LINGO2: variants seen among roughly 807,000 people sequenced by gnomAD.
LINGO2 encodes leucine-rich repeat and immunoglobulin-like domain-containing nogo receptor-interacting protein 2.
LINGO2 carries 14 observed loss-of-function variants against 30.6 expected under a neutral mutation model. That is an observed-to-expected ratio of 0.46 (90% CI 0.30 to 0.72). The LOEUF (loss-of-function observed/expected upper bound fraction) is 0.72. LINGO2 is among the 30% of genes least tolerant of loss of function. LINGO2 has a pLI of 0.07. For synonymous variants in LINGO2, 317 were observed against 288.5 expected, an observed-to-expected ratio of 1.10 and a Z score of -1.00; for missense variants, 729 against 751.7, an observed-to-expected ratio of 0.97 and a Z score of 0.35.
intron 4 of LINGO2, among the ~76,000 whole-genome samples, chr9:28,045,423 T>C (rs529817418): frequency 1.3e-5 from 2 of 152,316 alleles, no homozygotes; most frequent in Non-Finnish European, 2.9e-5. Flanking sequence ...TAGCAACTTA[T>C]AAAGCTATAT....
chr9:28,502,212 T>C (rs1819921384), intron 1 of LINGO2, among the ~76,000 whole-genome samples: 1 of 151,618 alleles, frequency 6.6e-6, no homozygotes, highest in South Asian at 2.1e-4. Context: ...TCCAAAGATA[T>C]TTTCTTCTTA....
At chr9:29,172,907 T>C in the LINGO2 span, among the ~76,000 whole-genome samples, 14 of 152,122 alleles carry the variant, frequency 9.2e-5, no homozygotes, top group Admixed American at 2.0e-4. Flanking sequence ...CACAAACCCT[T>C]ATACTTACAT....
chr9:28,255,406 T>C (rs1475458077), intron 4 of LINGO2, among the ~76,000 whole-genome samples: 2 of 152,194 alleles, frequency 1.3e-5, no homozygotes, highest in Non-Finnish European at 2.9e-5. Flanking sequence ...AGAGTCAGAC[T>C]TGCTAGGCTT....
At chr9:28,355,061 C>T (rs1564145199) in intron 3 of LINGO2, among the ~76,000 whole-genome samples, 1 of 152,136 alleles carries the variant, frequency 6.6e-6, no homozygotes, top group Non-Finnish European at 1.5e-5. Flanking sequence ...CATTCTAAAA[C>T]TAAGTCTAAT....
At chr9:28,482,254 T>C (rs950380454) in intron 1 of LINGO2, among the ~76,000 whole-genome samples, 2 of 151,960 alleles carry the variant, frequency 1.3e-5, no homozygotes, top group African/African-American at 4.8e-5. Context: ...TGTAAAAGTG[T>C]TCCTATTTCT....
chr9:28,556,080 G>T (rs955315643), intron 1 of LINGO2, among the ~76,000 whole-genome samples: 1 of 151,912 alleles, frequency 6.6e-6, no homozygotes, highest in African/African-American at 2.4e-5. Flanking sequence ...CTCTGAAAAT[G>T]GGCACAAGAC....
chr9:28,359,324 A>G (rs1389767232), intron 3 of LINGO2, among the ~76,000 whole-genome samples: 3 of 152,268 alleles, frequency 2.0e-5, no homozygotes, highest in Non-Finnish European at 2.9e-5. Flanking sequence ...TCCAGAGCAT[A>G]CTAGACTCTC....
chr9:28,582,366 G>A (rs1824299266), intron 1 of LINGO2, among the ~76,000 whole-genome samples: 1 of 152,184 alleles, frequency 6.6e-6, no homozygotes, highest in Admixed American at 6.6e-5. Flanking sequence ...GTAAAATTCA[G>A]TCAATCAGGA....
chr9:29,146,797 A>C, the LINGO2 span, among the ~76,000 whole-genome samples: 1 of 152,178 alleles, frequency 6.6e-6, no homozygotes, highest in Non-Finnish European at 1.5e-5. Context: ...AAGTGGCAGA[A>C]AACTTGGACT....
At chr9:28,593,388 T>C (rs557269742) in intron 1 of LINGO2, among the ~76,000 whole-genome samples, 2 of 152,210 alleles carry the variant, frequency 1.3e-5, no homozygotes, top group South Asian at 4.1e-4. Context: ...GTGTAGTAGA[T>C]AATTTTTGAC....
the LINGO2 span, among the ~76,000 whole-genome samples, chr9:28,783,282 T>C: frequency 6.6e-6 from 1 of 152,088 alleles, no homozygotes; most frequent in Admixed American, 6.6e-5. Context: ...TGAAATAGCA[T>C]TGTATTTATA....
the LINGO2 span, among the ~76,000 whole-genome samples, chr9:28,744,302 A>G: frequency 6.6e-6 from 1 of 151,978 alleles, no homozygotes; most frequent in Non-Finnish European, 1.5e-5. Flanking sequence ...ATAATAGCCA[A>G]TTGAAGTCTT....
In LINGO2 at chr9:28,569,969, T is replaced by A. The variant is rs546500410; in HGVS notation, c.-364-93944A>T. On this transcript the variant is annotated intron_variant, in intron 1 of 5. Coordinates refer to ENST00000379992, the Ensembl canonical transcript of LINGO2. ...AAAGACATAAATACAATAATAAACATAAAATTGAAGTAGTGATCAACATTT... is the reference window on the plus strand; with the variant it reads ...AAAGACATAAATACAATAATAAACAAAAAATTGAAGTAGTGATCAACATTT... Among the ~76,000 whole-genome samples, 97 of 151,804 alleles carry A rather than the reference T, an allele frequency of 6.4e-4. 2 individuals are homozygous for A. The South Asian group carries it at 0.019, about 29-fold the overall frequency.
intron 5 of LINGO2, among the ~76,000 whole-genome samples, chr9:27,986,520 G>T: frequency 6.6e-6 from 1 of 151,658 alleles, no homozygotes; most frequent in East Asian, 2.0e-4. Flanking sequence ...GGACTTCCTA[G>T]TACTATTTAT....
chr9:28,871,984 G>A, the LINGO2 span, among the ~76,000 whole-genome samples: 1 of 151,896 alleles, frequency 6.6e-6, no homozygotes, highest in African/African-American at 2.4e-5. Context: ...TTTACTTGAG[G>A]GGAGTGTCAC....
intron 1 of LINGO2, among the ~76,000 whole-genome samples, chr9:28,499,288 C>A (rs1819789249): frequency 6.6e-6 from 1 of 152,092 alleles, no homozygotes; most frequent in Non-Finnish European, 1.5e-5. Flanking sequence ...GTAGAAAGAC[C>A]ATCTCAGTCA....
chr9:28,644,927 T>G (rs763357704), intron 1 of LINGO2, among the ~76,000 whole-genome samples: 13 of 152,024 alleles, frequency 8.6e-5, no homozygotes, highest in Non-Finnish European at 1.0e-4. Flanking sequence ...CTTTAAAAAG[T>G]AGAGTCATTG....
In LINGO2 at chr9:28,483,855, T is replaced by C. The variant is rs146158630; in HGVS notation, c.-364-7830A>G. ...AACATCCACTGTTAACCTAAAAAGA[T>C]TGGGAGGAAAAGGATTGTTTTAAAC... On this transcript the variant is annotated intron_variant, in intron 1 of 5. Coordinates refer to ENST00000379992, the Ensembl canonical transcript of LINGO2. Among the ~76,000 whole-genome samples, 812 of 152,068 alleles carry C rather than the reference T, an allele frequency of 5.3e-3. 8 individuals carry two copies. Among genetic ancestry groups the C allele is most frequent in the African/African-American group, 0.019 (777 of 41,508 alleles).
intron 4 of LINGO2, among the ~76,000 whole-genome samples, chr9:28,024,665 C>T (rs1053501060): frequency 2.0e-5 from 3 of 152,140 alleles, no homozygotes; most frequent in African/African-American, 7.2e-5. Context: ...GGTTAGACAG[C>T]TTACATTTGT....
Sources: allele counts gnomAD v4.1 joint callset (sites outside exome capture counted in the v4.1 genomes callset), GRCh38; gene constraint gnomAD v4.1.1; transcripts MANE v1.5; gene names NCBI Gene and HGNC (gene_info 2026-07-23, HGNC 2026-07-21).